The following CADPS variants were observed in gnomAD, a reference collection of about 807,000 sequenced individuals.
CADPS encodes the protein calcium dependent secretion activator.
CADPS carries 57 observed loss-of-function variants against 167.3 expected under a neutral mutation model. The ratio of observed to expected loss-of-function variants is 0.34; its 90% CI spans 0.28 to 0.42. The LOEUF is 0.42. Ranked by LOEUF, CADPS falls within the 20% of genes least tolerant of loss-of-function variation. The pLI is 1.00. For synonymous variants in CADPS, 676 were observed against 635.3 expected (o/e 1.06, Z -0.96); for missense variants, 1,414 against 1,738.1 (o/e 0.81, Z 3.32).
chr3:62,446,796 T>C lies in CADPS; in HGVS notation c.3637-999A>G, dbSNP rs2057294848. Reference sequence around the variant, plus strand: ...GTTTCATTTTGACTCAGGTCACACATGTTTCTCTAGGCACAATTAAGACTA... The same window carrying C: ...GTTTCATTTTGACTCAGGTCACACACGTTTCTCTAGGCACAATTAAGACTA... On this transcript the variant is annotated intron_variant, in intron 26 of 29. Coordinates refer to ENST00000383710, the MANE Select transcript of CADPS (RefSeq NM_003716.4). This position sits in a 1 kb window ranked among gnomAD's most constrained non-coding sequence, Gnocchi z 4.9. Among the ~76,000 whole-genome samples the C allele has an allele frequency of 6.6e-6, 1 of 152,044 alleles. No individual in the cohort carries two copies. Among genetic ancestry groups the C allele is most frequent in the African/African-American group, 2.4e-5 (1 of 41,398 alleles).
intron 9 of CADPS, among the ~76,000 whole-genome samples, chr3:62,564,853 ACT>A (rs1416856149): frequency 2.6e-5 from 4 of 151,774 alleles, no homozygotes; most frequent in African/African-American, 9.7e-5. Context: ...AATCCACCTG[ACT>A]CAGCCTCCCA....
intron 19 of CADPS, among the ~76,000 whole-genome samples, chr3:62,492,769 G>T (rs116646047): frequency 0.013 from 1,939 of 151,164 alleles, 37 homozygotes; most frequent in African/African-American, 0.043. Flanking sequence ...CTTTGTCATT[G>T]TTGTTGGCTA....
At chr3:62,474,498 G>A (rs1448478398) in intron 23 of CADPS, among the ~76,000 whole-genome samples, 178 bp from the exon 24 acceptor site, 2 of 152,052 alleles carry the variant, frequency 1.3e-5, no homozygotes, top group South Asian at 2.1e-4. Context: ...GCCTATTCAC[G>A]GAGACAGACA....
intron 3 of CADPS, among the ~76,000 whole-genome samples, chr3:62,739,368 G>A (rs945120445): frequency 6.6e-6 from 1 of 152,152 alleles, no homozygotes. Context: ...AAGACCATAA[G>A]AACTACCCAG....
chr3:62,868,589 T>C (rs1160023949), intron 1 of CADPS, among the ~76,000 whole-genome samples: 1 of 152,136 alleles, frequency 6.6e-6, no homozygotes, highest in Non-Finnish European at 1.5e-5. Flanking sequence ...ACAAAATGCA[T>C]TCGTAGATCA....
intron 6 of CADPS, among the ~76,000 whole-genome samples, chr3:62,642,915 GACAAAACAAAACAAAACAAAACAAA>G (rs59057183): frequency 6.8e-6 from 1 of 146,776 alleles, no homozygotes; most frequent in African/African-American, 2.5e-5. Flanking sequence ...TATCTCAAAA[GACAAAACAAAACAAAACAAAACAAA>G]ACAAAACAAA....
rs114294956 is a variant in CADPS at position 62,630,673 on chromosome 3, C to T, written c.1325+15049G>A. Among the ~76,000 whole-genome samples the T allele has an allele frequency of 4.6e-3, 695 of 152,172 alleles. 8 individuals are homozygous for T. Among genetic ancestry groups the T allele is most frequent in the African/African-American group, 0.013 (521 of 41,532 alleles). ...CAGTTTCTTTTTAAAGTAAGTATTC[C>T]TATGAAGAAAATATAATCACTTGTC... On this transcript the variant is annotated intron_variant, in intron 6 of 29. Transcript: ENST00000383710.
In CADPS at chr3:62,445,720, A is replaced by G. The variant is rs1210180418; in HGVS notation, c.3669+45T>C. Reference sequence around the variant, plus strand: ...AAACAAAAAGTAAAAATGAAAAAAAAAAAAAACAAAAAAACCCCATGAGAA... The same window carrying G: ...AAACAAAAAGTAAAAATGAAAAAAAGAAAAAACAAAAAAACCCCATGAGAA... On this transcript the variant is annotated intron_variant, in intron 27 of 29. Transcript: ENST00000383710. The G allele has an allele frequency of 1.5e-5, 21 of 1,389,810 alleles. 1 individual carries two copies. Among genetic ancestry groups the G allele is most frequent in the Non-Finnish European group, 2.1e-5 (21 of 1,023,844 alleles). The allele number at this position is 1,389,810 out of a possible 1,614,324, so 86.1% of individuals were successfully genotyped here.
chr3:62,737,613 T>G (rs1443450169), intron 3 of CADPS, among the ~76,000 whole-genome samples: 2 of 152,226 alleles, frequency 1.3e-5, no homozygotes, highest in Admixed American at 1.3e-4. Context: ...CTTATAATCC[T>G]TGGAGTAAAT....
chr3:62,576,989 G>C (rs2082415847), intron 8 of CADPS, among the ~76,000 whole-genome samples: 1 of 151,858 alleles, frequency 6.6e-6, no homozygotes, highest in South Asian at 2.1e-4. Flanking sequence ...TGACATCTCT[G>C]TTATTCACTG....
At position 62,602,207 on chromosome 3, in the gene CADPS, T is replaced by A. The variant is rs538939657; in HGVS notation, c.1326-9459A>T. Among the ~76,000 whole-genome samples, 1 of 143,038 alleles carries A rather than the reference T, an allele frequency of 7.0e-6. No homozygotes were observed. The highest frequency in any genetic ancestry group is 2.2e-4 in the East Asian group (1 of 4,634). 93.8% of individuals were successfully genotyped at this position (143,038 alleles called of 152,430 possible). ...CATATGTGAGTAAGCCAAGAACACATCTACGTTAGGCAAATAAGGACCCTT... is the reference window on the plus strand; with the variant it reads ...CATATGTGAGTAAGCCAAGAACACAACTACGTTAGGCAAATAAGGACCCTT... On this transcript the variant is annotated intron_variant, in intron 6 of 29. Coordinates refer to ENST00000383710, the MANE Select transcript of CADPS (RefSeq NM_003716.4). This position sits in a 1 kb window ranked among gnomAD's most constrained non-coding sequence, Gnocchi z 4.4.
chr3:62,457,323 G>A (rs2058808297), intron 26 of CADPS, among the ~76,000 whole-genome samples: 3 of 152,248 alleles, frequency 2.0e-5, no homozygotes, highest in Non-Finnish European at 2.9e-5. Flanking sequence ...TTAGGAAGTG[G>A]CAGAACTGGA....
At chr3:62,513,453 C>T (rs1292587956) in intron 16 of CADPS, among the ~76,000 whole-genome samples, 1 of 151,896 alleles carries the variant, frequency 6.6e-6, no homozygotes, top group Non-Finnish European at 1.5e-5. Context: ...AATTGTCTAA[C>T]CTGTTTTAGG....
intron 11 of CADPS, among the ~76,000 whole-genome samples, chr3:62,543,400 G>T (rs552353337): frequency 6.6e-6 from 1 of 152,186 alleles, no homozygotes; most frequent in African/African-American, 2.4e-5. Context: ...ATGTAAACTT[G>T]TTTAGAACAG....
At chr3:62,639,589 G>A (rs2659473) in intron 6 of CADPS, among the ~76,000 whole-genome samples, 143,914 of 152,252 alleles carry the variant, frequency 0.95, 68,547 homozygotes, top group East Asian at 1. Flanking sequence ...GGCAAATAGT[G>A]TGTGCTCAAT....
chr3:62,774,726 C>T (rs1296361437), intron 1 of CADPS, among the ~76,000 whole-genome samples: 4 of 152,052 alleles, frequency 2.6e-5, no homozygotes, highest in African/African-American at 9.7e-5. Flanking sequence ...ACAGTTAGAT[C>T]CTCATTTCTT....
chr3:62,560,766 T>TCAA, intron 9 of CADPS, among the ~76,000 whole-genome samples: 1 of 152,158 alleles, frequency 6.6e-6, no homozygotes, highest in Non-Finnish European at 1.5e-5. Context: ...TACAGAATGC[T>TCAA]TTGAAGTAAT....
intron 2 of CADPS, among the ~76,000 whole-genome samples, chr3:62,760,486 C>T (rs1559501841): frequency 6.6e-6 from 1 of 151,950 alleles, no homozygotes; most frequent in Non-Finnish European, 1.5e-5. Flanking sequence ...AACCTCTGGC[C>T]CCAAGAGGCT....
chr3:62,792,572 A>G (rs1053068643), intron 1 of CADPS, among the ~76,000 whole-genome samples: 1 of 151,958 alleles, frequency 6.6e-6, no homozygotes, highest in Admixed American at 6.6e-5. Flanking sequence ...GAAAGCTCGC[A>G]TTATAATTAA....
Sources: gnomAD v4.1 joint callset for allele counts (sites outside exome capture counted in the v4.1 genomes callset) on GRCh38, gnomAD v4.1.1 for gene constraint, Gnocchi (gnomAD v3.1) non-coding constraint, MANE v1.5 for transcripts, NCBI Gene and HGNC (gene_info 2026-07-23, HGNC 2026-07-21) for gene names.